Variants in GREM2 observed in about 807,000 individuals in gnomAD.
GREM2 encodes the protein gremlin-2.
In GREM2, 11 loss-of-function variants were observed where a neutral mutation model predicts 14.2. The ratio of observed to expected loss-of-function variants is 0.78; its 90% CI spans 0.49 to 1.28. The LOEUF (loss-of-function observed/expected upper bound fraction) is 1.28, where lower values mean the gene tolerates loss of function less well. Ranked by LOEUF, GREM2 falls within the 50% of genes most tolerant of loss-of-function variation. The pLI is 0.00. For synonymous variants in GREM2, 98 were observed against 97.6 expected, an observed-to-expected ratio of 1.00 and a Z score of -0.02; for missense variants, 210 against 218.5, an observed-to-expected ratio of 0.96 and a Z score of 0.24.
chr1:240,521,364 C>A (rs568289058), intron 1 of GREM2, among the ~76,000 whole-genome samples: 1 of 152,000 alleles, frequency 6.6e-6, no homozygotes, highest in East Asian at 1.9e-4. Context: ...GTCAGGAGAT[C>A]GAGACCATCC....
At chr1:240,493,805 T>C (rs536569039) in intron 1 of GREM2, among the ~76,000 whole-genome samples, 1 of 152,190 alleles carries the variant, frequency 6.6e-6, no homozygotes, top group African/African-American at 2.4e-5. Flanking sequence ...CCTGGGATCA[T>C]AGGCGTGAGC....
chr1:240,600,566 C>A (rs1424331784), intron 1 of GREM2, among the ~76,000 whole-genome samples: 1 of 152,262 alleles, frequency 6.6e-6, no homozygotes, highest in South Asian at 2.1e-4. Context: ...TCACTACAAC[C>A]TCCACCTCCC....
chr1:240,531,602 G>A, intron 1 of GREM2: 1 of 971,180 alleles, frequency 1.0e-6, no homozygotes. Context: ...TTGGTGTGTG[G>A]TTATGTGGCG....
chr1:240,501,693 C>T (rs1326915075), intron 1 of GREM2, among the ~76,000 whole-genome samples: 2 of 152,196 alleles, frequency 1.3e-5, no homozygotes, highest in South Asian at 4.1e-4. Flanking sequence ...GGAGGGAGAA[C>T]ATGGTTTCTG....
At position 240,600,852 on chromosome 1, in the gene GREM2, G is replaced by A. The variant is rs569198298; in HGVS notation, c.-2+11032C>T. ...TATTAGCTCCTTGAAAAAGTGGTCC[G>A]TCTTTTGATCTCCTGCTATTTCTAG... On this transcript the variant is annotated intron_variant, in intron 1 of 1. Transcript: ENST00000318160. Among the ~76,000 whole-genome samples, 8 of 152,210 alleles carry A rather than the reference G, an allele frequency of 5.3e-5. No homozygotes were observed. The South Asian group carries it at 6.2e-4, about 12-fold the overall frequency.
rs1010247887 is a variant in GREM2 at position 240,542,489 on chromosome 1, C to A, written c.-1-49013G>T. Among the ~76,000 whole-genome samples the A allele has an allele frequency of 6.6e-6, 1 of 151,420 alleles. No individual in the cohort carries two copies. Among genetic ancestry groups the A allele is most frequent in the African/African-American group, 2.4e-5 (1 of 41,174 alleles). ...AATTAGCTGGGTGTGGTGGTGCGCA[C>A]CTGTAGTCCCAGCTACTCGGGAGGC... On this transcript the variant is annotated intron_variant, in intron 1 of 1. Coordinates refer to ENST00000318160, the MANE Select transcript of GREM2 (RefSeq NM_022469.4). The surrounding 1 kb of genome is among the most constrained non-coding windows in gnomAD (Gnocchi z 4.1).
intron 1 of GREM2, among the ~76,000 whole-genome samples, chr1:240,555,895 AT>A (rs1344742056): frequency 1.3e-5 from 2 of 152,198 alleles, no homozygotes; most frequent in Non-Finnish European, 2.9e-5. Flanking sequence ...TTGCCAGGAT[AT>A]TTTAGTCACC....
intron 1 of GREM2, among the ~76,000 whole-genome samples, chr1:240,607,782 G>A (rs1680057707): frequency 1.3e-5 from 2 of 152,180 alleles, no homozygotes; most frequent in African/African-American, 4.8e-5. Context: ...ATTCCATCAT[G>A]ATTGAAATCA....
chr1:240,524,259 C>A (rs1300576060), intron 1 of GREM2, among the ~76,000 whole-genome samples: 1 of 152,236 alleles, frequency 6.6e-6, no homozygotes, highest in Non-Finnish European at 1.5e-5. Flanking sequence ...GTGATCCTCC[C>A]ATCTTGGCCT....
intron 1 of GREM2, chr1:240,530,325 G>A (rs982830072): frequency 2.0e-5 from 3 of 152,144 alleles, no homozygotes; most frequent in Non-Finnish European, 4.4e-5. Context: ...CACTGGACTA[G>A]CATTACAAGC....
At chr1:240,561,511 C>A (rs1484239008) in intron 1 of GREM2, among the ~76,000 whole-genome samples, 1 of 152,060 alleles carries the variant, frequency 6.6e-6, no homozygotes, top group Non-Finnish European at 1.5e-5. Flanking sequence ...AAGAAGAAGA[C>A]CTTTTGGTTC....
At chr1:240,557,551 C>T in intron 1 of GREM2, among the ~76,000 whole-genome samples, 1 of 152,118 alleles carries the variant, frequency 6.6e-6, no homozygotes, top group South Asian at 2.1e-4. Flanking sequence ...AAATGATTTT[C>T]AAATGGAAAT....
Position 240,525,447 on chromosome 1 carries a change from G to C in GREM2, c.-1-31971C>G, listed in dbSNP as rs150980260. On this transcript the variant is annotated intron_variant, in intron 1 of 1. Transcript: ENST00000318160. ...CCTCCTGGATTTGTTTTCTATGGCAGCCGTAGCAAAGGGCCACAAATTTAG... is the reference window on the plus strand; with the variant it reads ...CCTCCTGGATTTGTTTTCTATGGCACCCGTAGCAAAGGGCCACAAATTTAG... Among the ~76,000 whole-genome samples the C allele has an allele frequency of 4.4e-3, 670 of 152,228 alleles. 5 individuals carry two copies. Among genetic ancestry groups the C allele is most frequent in the African/African-American group, 0.016 (647 of 41,538 alleles).
At chr1:240,582,677 A>G (rs953959397) in intron 1 of GREM2, among the ~76,000 whole-genome samples, 4 of 151,654 alleles carry the variant, frequency 2.6e-5, no homozygotes, top group African/African-American at 9.7e-5. Context: ...TGCACCTGTA[A>G]TCTCAGCTAC....
At chr1:240,580,128 T>C (rs1679456664) in intron 1 of GREM2, among the ~76,000 whole-genome samples, 1 of 152,150 alleles carries the variant, frequency 6.6e-6, no homozygotes, top group African/African-American at 2.4e-5. Flanking sequence ...TGGTGGCTCA[T>C]GTCTGTAATC....
intron 1 of GREM2, among the ~76,000 whole-genome samples, chr1:240,571,818 T>C (rs1679267923): frequency 6.6e-6 from 1 of 152,216 alleles, no homozygotes; most frequent in African/African-American, 2.4e-5. Flanking sequence ...TCAAATGCCA[T>C]TACCAGTCAC....
intron 1 of GREM2, among the ~76,000 whole-genome samples, chr1:240,587,457 G>A (rs893196560): frequency 4.6e-5 from 7 of 151,822 alleles, no homozygotes; most frequent in Non-Finnish European, 1.0e-4. Context: ...ACGTAGCTGA[G>A]GCTACAAGCA....
intron 1 of GREM2, among the ~76,000 whole-genome samples, chr1:240,502,377 C>T (rs1677589561): frequency 6.6e-6 from 1 of 152,114 alleles, no homozygotes; most frequent in Non-Finnish European, 1.5e-5. Context: ...AAATATTTTT[C>T]AATTATTTTG....
At chr1:240,581,541 C>A (rs1237694432) in intron 1 of GREM2, among the ~76,000 whole-genome samples, 1 of 152,094 alleles carries the variant, frequency 6.6e-6, no homozygotes. Flanking sequence ...ATAACAAAGT[C>A]ATTAAAATCA....
Sources: gnomAD v4.1 joint callset for allele counts (sites outside exome capture counted in the v4.1 genomes callset) on GRCh38, gnomAD v4.1.1 for gene constraint, Gnocchi (gnomAD v3.1) non-coding constraint, MANE v1.5 for transcripts, NCBI Gene and HGNC (gene_info 2026-07-23, HGNC 2026-07-21) for gene names.